Variants in COL20A1 observed in about 807,000 individuals in gnomAD.
COL20A1 encodes collagen type XX alpha 1 chain.
Under a neutral mutation model 152.9 loss-of-function variants are expected in COL20A1, and 164 were observed. That is an observed-to-expected ratio of 1.07 (90% CI 0.94 to 1.22). The LOEUF (loss-of-function observed/expected upper bound fraction) is 1.22, where lower values mean the gene tolerates loss of function less well. Among genes scored for constraint, COL20A1 ranks in the 50% most tolerant of loss-of-function variants. The pLI is 0.00. For synonymous variants in COL20A1, 864 were observed against 756.0 expected (o/e 1.14, Z -2.34); for missense variants, 1,873 against 1,744.8 (o/e 1.07, Z -1.31).
intron 21 of COL20A1, among the ~76,000 whole-genome samples, chr20:63,317,029 C>T (rs554293004): frequency 3.9e-5 from 6 of 152,304 alleles, no homozygotes; most frequent in Admixed American, 2.6e-4. Flanking sequence ...TGCCAGTAGC[C>T]GGATTTAGAG....
Position 63,319,612 on chromosome 20 carries a change from G to A in COL20A1, c.2916+16G>A, listed in dbSNP as rs367627135. ...CTTCCACAAGGTCCTGGTGCAGCTC[G>A]CGCCCCTCTCCCCCGTTCCCCCAGC... On this transcript the variant is annotated intron_variant, in intron 23 of 35. Transcript: ENST00000358894. The surrounding 1 kb of genome is among the most constrained non-coding windows in gnomAD (Gnocchi z 4.4). 91 of 1,533,368 alleles carry A rather than the reference G, an allele frequency of 5.9e-5. No homozygotes were observed. In the African/African-American group the frequency reaches 6.0e-4, roughly 10 times the overall value. The allele number at this position is 1,533,368 out of a possible 1,614,324, so 95.0% of individuals were successfully genotyped here. A position where few individuals can be genotyped will look rare whatever the true frequency, so the allele number is the denominator to read the frequency against.
In COL20A1 at chr20:63,313,882, C is replaced by G; in HGVS notation, c.2349C>G (p.Pro783=). ...LTYAPASGLG[P]EKSVSVPGAR... is the part of the protein sequence containing the mutation. ...ACGCCCCCGCCTCTGGCTTGGGACC[C>G]GAGAAATCCGTGAGTCTTGGTAGAG... The change falls in exon 18 of 36, where the codon CCC becomes CCG. Residue 783 remains proline, a synonymous_variant. Transcript: ENST00000358894. This position sits in a 1 kb window ranked among gnomAD's most constrained non-coding sequence, Gnocchi z 5.9. 1 of 1,601,766 alleles carries G rather than the reference C, an allele frequency of 6.2e-7. No homozygotes were observed. The highest frequency in any genetic ancestry group is 2.2e-5 in the East Asian group (1 of 44,812).
At position 63,306,995 on chromosome 20, in the gene COL20A1, G is replaced by A. The variant is rs770731154; in HGVS notation, c.497-495G>A. Among the ~76,000 whole-genome samples, 1 of 152,228 alleles carries A rather than the reference G, an allele frequency of 6.6e-6. No homozygotes were observed. Among genetic ancestry groups the A allele is most frequent in the Non-Finnish European group, 1.5e-5 (1 of 68,022 alleles). ...CGGTCGCCCCACGGGGGGCTCCACCGTGATGGCTGCTGGCCTCGTTCAGGC... is the reference window on the plus strand; with the variant it reads ...CGGTCGCCCCACGGGGGGCTCCACCATGATGGCTGCTGGCCTCGTTCAGGC... On this transcript the variant is annotated intron_variant, in intron 5 of 35. Transcript: ENST00000358894. The surrounding 1 kb of genome is among the most constrained non-coding windows in gnomAD (Gnocchi z 6.9).
At chr20:63,327,796 G>C (rs1018668139) in intron 31 of COL20A1, 156 bp from the exon 32 acceptor site, 6 of 723,718 alleles carry the variant, frequency 8.3e-6, no homozygotes, top group African/African-American at 1.8e-5. Context: ...AGGACCACAG[G>C]CTCCTAGGAT....
Position 63,313,726 on chromosome 20 carries a change from C to T in COL20A1, c.2210-17C>T, listed in dbSNP as rs765709232. ...CTGGAGGGGCCTGAGCCCCACACAA[C>T]CCATGCTCTCGGCCAGCCACGGTGA... On this transcript the variant is annotated splice_polypyrimidine_tract_variant and intron_variant, in intron 17 of 35. Transcript: ENST00000358894. This position sits in a 1 kb window ranked among gnomAD's most constrained non-coding sequence, Gnocchi z 5.9. 1.9e-6 allele frequency: 3 copies of T among 1,565,926 alleles called. No homozygotes were observed. The highest frequency in any genetic ancestry group is 2.6e-6 in the Non-Finnish European group (3 of 1,159,752).
intron 27 of COL20A1, among the ~76,000 whole-genome samples, chr20:63,323,557 T>A (rs970134577): frequency 3.3e-5 from 5 of 152,208 alleles, no homozygotes; most frequent in Non-Finnish European, 7.3e-5. Context: ...CGGGGAGGAC[T>A]CCAGCTTCAC....
chr20:63,295,713 C>T (rs1277008785), intron 2 of COL20A1, among the ~76,000 whole-genome samples: 1 of 152,266 alleles, frequency 6.6e-6, no homozygotes, highest in Non-Finnish European at 1.5e-5. Context: ...GGGCACCGCC[C>T]ATGGCAGCAA....
At chr20:63,307,102 G>A (rs1011956790) in intron 5 of COL20A1, among the ~76,000 whole-genome samples, 1 of 152,224 alleles carries the variant, frequency 6.6e-6, no homozygotes, top group Non-Finnish European at 1.5e-5. Context: ...GCGCCAGACC[G>A]GGGATGGCGG....
chr20:63,320,185 C>G lies in COL20A1; in HGVS notation c.3063C>G (p.Ser1021Arg). 6.4e-7 allele frequency: 1 copy of G among 1,574,286 alleles called. No individual in the cohort carries two copies. Among genetic ancestry groups the G allele is most frequent in the Non-Finnish European group, 8.6e-7 (1 of 1,162,782 alleles). Residue 1021 changes from serine (S) to arginine (R), a missense_variant, in exon 24 of 36, where the codon AGC (serine) becomes AGG (arginine). By Grantham distance (110) the Ser-to-Arg change is moderately radical. Transcript: ENST00000358894. ...TGGCCAAGGCCAGGGGCCCCCGGAG[C>G]AGTTCGGCCGCGGTGAGTTGGGCCC... ...GRLAKARGPR[S>R]SSAAFQLQML... is the part of the protein sequence containing the mutation.
chr20:63,325,055 G>C (rs982733882), intron 27 of COL20A1: 3 of 347,942 alleles, frequency 8.6e-6, no homozygotes, highest in South Asian at 6.7e-5. Context: ...CCATTCTCTA[G>C]CTCTGCAGAC....
intron 29 of COL20A1, 57 bp from the exon 30 acceptor site, chr20:63,326,038 TG>T: frequency 6.7e-7 from 1 of 1,483,480 alleles, no homozygotes; most frequent in Non-Finnish European, 9.4e-7. Context: ...GCTGTCACCA[TG>T]GGAGGGCTGG....
At chr20:63,318,028 G>T (rs1381205814) in intron 21 of COL20A1, among the ~76,000 whole-genome samples, 1 of 152,134 alleles carries the variant, frequency 6.6e-6, no homozygotes, top group Non-Finnish European at 1.5e-5. Context: ...AACCCTCCTG[G>T]GACCAGGCAG....
At chr20:63,325,373 C>G (rs2068228562) in intron 27 of COL20A1, 68 bp from the exon 28 acceptor site, 1 of 1,229,490 alleles carries the variant, frequency 8.1e-7, no homozygotes, top group African/African-American at 1.5e-5. Flanking sequence ...TGGTAGGTGT[C>G]ACTCCTTCCC....
intron 19 of COL20A1, 121 bp downstream of exon 19, chr20:63,314,322 AC>A: frequency 1.2e-6 from 1 of 842,910 alleles, no homozygotes; most frequent in Non-Finnish European, 1.9e-6. Context: ...GACCTAGTTG[AC>A]CCCAGGGGTC....
At chr20:63,329,529 C>A in intron 34 of COL20A1, 56 bp from the exon 35 acceptor site, 1 of 1,403,918 alleles carries the variant, frequency 7.1e-7, no homozygotes, top group Non-Finnish European at 9.9e-7. Flanking sequence ...CCCGTCAGAA[C>A]AGGGCCCCAA....
intron 27 of COL20A1, among the ~76,000 whole-genome samples, chr20:63,323,329 T>C (rs1351202165): frequency 6.6e-6 from 1 of 152,272 alleles, no homozygotes; most frequent in East Asian, 1.9e-4. Flanking sequence ...GCGACGTGCG[T>C]TTCCATACAG....
chr20:63,325,945 G>T (rs940839293), intron 29 of COL20A1, 151 bp from the exon 30 acceptor site: 167 of 759,016 alleles, frequency 2.2e-4, no homozygotes, highest in Non-Finnish European at 3.6e-4. Context: ...GTGGGTGGGG[G>T]AGTGGCTGGG....
Position 63,313,923 on chromosome 20 carries a change from C to A in COL20A1, c.2358+32C>A, listed in dbSNP as rs780107515. 3.6e-5 allele frequency: 57 copies of A among 1,581,430 alleles called. No individual in the cohort carries two copies. The highest frequency in any genetic ancestry group is 4.9e-5 in the Non-Finnish European group (57 of 1,163,836). ...CTTGGTAGAGCCTGAGGCTGCCCCA[C>A]CTCGTGGGGCCTCCTGGAAGGGGTA... On this transcript the variant is annotated intron_variant, in intron 18 of 35. Coordinates refer to ENST00000358894, the MANE Select transcript of COL20A1 (RefSeq NM_020882.4). This position sits in a 1 kb window ranked among gnomAD's most constrained non-coding sequence, Gnocchi z 5.9.
intron 26 of COL20A1, 44 bp from the exon 27 acceptor site, chr20:63,322,014 G>T (rs117255010): frequency 6.7e-7 from 1 of 1,485,406 alleles, no homozygotes; most frequent in African/African-American, 1.4e-5. Context: ...CCTCTACCTT[G>T]GTTGGGTAGT....
Sources: allele counts gnomAD v4.1 joint callset (sites outside exome capture counted in the v4.1 genomes callset), GRCh38; gene constraint gnomAD v4.1.1; non-coding constraint Gnocchi (gnomAD v3.1); transcripts MANE v1.5; gene names NCBI Gene and HGNC (gene_info 2026-07-23, HGNC 2026-07-21).